TMC6: variants seen among roughly 807,000 people sequenced by gnomAD.
TMC6 encodes the protein transmembrane channel like 6.
A neutral mutation model predicts 95.4 loss-of-function variants in TMC6; 71 were observed. That is an observed-to-expected ratio of 0.74 (90% confidence interval 0.61 to 0.91). TMC6 has a LOEUF of 0.91. Among genes scored for constraint, TMC6 ranks in the 40% least tolerant of loss-of-function variants. The pLI, the probability that TMC6 is intolerant of heterozygous loss-of-function variation, is 0.00. For synonymous variants in TMC6, 514 were observed against 483.1 expected, an observed-to-expected ratio of 1.06 and a Z score of -0.84; for missense variants, 1,074 against 1,079.1, an observed-to-expected ratio of 1.00 and a Z score of 0.07.
In TMC6 at chr17:78,117,885, T is replaced by C. The variant is rs1219276942; in HGVS notation, c.1938A>G (p.Ser646=). ...CQAPRRPWLA[S]HMSTVFLTLL... ...GCGTGAGGAAGACGGTGCTCATGTG[T>C]GAGGCCAGCCAGGGCCGGCGCGGCG... The change falls in exon 16 of 20, where the codon TCA becomes TCG. Residue 646 remains serine (S), a synonymous_variant. Coordinates refer to ENST00000590602, the MANE Select transcript of TMC6 (RefSeq NM_001127198.5). The C allele has an allele frequency of 6.2e-7, 1 of 1,606,940 alleles. No individual in the cohort carries two copies. The highest frequency in any genetic ancestry group is 1.7e-5 in the Admixed American group (1 of 59,014).
intron 1 of TMC6, among the ~76,000 whole-genome samples, chr17:78,127,960 G>T (rs1015312073): frequency 6.6e-6 from 1 of 152,172 alleles, no homozygotes; most frequent in Non-Finnish European, 1.5e-5. Context: ...AGCCTAACAC[G>T]GGACAGCTGC....
chr17:78,118,082 AG>A, intron 15 of TMC6, 147 bp from the exon 16 acceptor site: 1 of 1,392,706 alleles, frequency 7.2e-7, no homozygotes, highest in Non-Finnish European at 9.6e-7. Flanking sequence ...TCATTTACAG[AG>A]GAAGACAGAA....
In TMC6 at chr17:78,107,414, A is replaced by G. The variant is rs552490653; in HGVS notation, c.*5734T>C. On this transcript the variant is annotated 3_prime_UTR_variant, in exon 20 of 20. Transcript: ENST00000590602. The stretch of plus-strand genomic sequence containing the variant: ...ATCGAAAGTTGCTTTCGAAAGTACA[A>G]CGCTTTATTGAATCTTAATAAATTG... The G allele has an allele frequency of 6.6e-6, 1 of 152,322 alleles. No individual in the cohort carries two copies. Among genetic ancestry groups the G allele is most frequent in the Admixed American group, 6.5e-5 (1 of 15,294 alleles). 9.4% of individuals were successfully genotyped at this position (152,322 alleles called of 1,614,324 possible).
At position 78,124,133 on chromosome 17, in the gene TMC6, G is replaced by A. The variant is rs201481464; in HGVS notation, c.938C>T (p.Ala313Val). Residue 313 changes from alanine (A) to valine (V), a missense_variant, in exon 9 of 20, where the codon GCC (alanine) becomes GTC (valine). Physicochemically the swap from Ala to Val is moderately conservative, Grantham distance 64. Coordinates refer to ENST00000590602, the MANE Select transcript of TMC6 (RefSeq NM_001127198.5). ...TVMYYGHYSN[A>V]TLNQPCGSPL... ...GCTGCCACACGGCTGGTTCAGCGTG[G>A]CGTTACTGTAGTGGCCGTAGTACAT... 4 of 1,612,848 alleles carry A rather than the reference G, an allele frequency of 2.5e-6. No homozygotes were observed. In the East Asian group the frequency reaches 6.7e-5, roughly 27 times the overall value.
chr17:78,127,300 C>A (rs1032575518), intron 1 of TMC6, among the ~76,000 whole-genome samples: 1 of 152,152 alleles, frequency 6.6e-6, no homozygotes, highest in African/African-American at 2.4e-5. Context: ...AGGCTGTAGG[C>A]CTTCTCTGCG....
In TMC6 at chr17:78,121,163, C is replaced by T. The variant is rs1343538609; in HGVS notation, c.1385G>A (p.Ser462Asn). Residue 462 changes from serine (S) to asparagine (N), a missense_variant and splice_region_variant, in exon 12 of 20, where the codon AGT (serine) becomes AAT (asparagine). By Grantham distance (46) the Ser-to-Asn change is conservative (BLOSUM62 1). Transcript: ENST00000590602. The surrounding 1 kb of genome is among the most constrained non-coding windows in gnomAD (Gnocchi z 5.6). ...VHVFSEFMIQ[S>N]PEAAGQEAVL... ...AGCCTCCTGGCCAGCAGCCTCTGGA[C>T]TCTGCAGGGGTGCAGGGAGCGGTGT... 16 of 1,588,308 alleles carry T rather than the reference C, an allele frequency of 1.0e-5. No individual in the cohort carries two copies. Among genetic ancestry groups the T allele is most frequent in the African/African-American group, 1.3e-5 (1 of 74,082 alleles).
intron 14 of TMC6, 100 bp from the exon 15 acceptor site, chr17:78,119,146 A>T: frequency 6.7e-7 from 1 of 1,492,764 alleles, no homozygotes; most frequent in Non-Finnish European, 9.2e-7. Context: ...CAGTGGCCAA[A>T]ACTGAGTCCC....
At chr17:78,127,252 CACA>C (rs2074764926) in intron 1 of TMC6, among the ~76,000 whole-genome samples, 1 of 152,170 alleles carries the variant, frequency 6.6e-6, no homozygotes, top group African/African-American at 2.4e-5. Context: ...AGGGTTCTGG[CACA>C]GAGACACCTC....
At position 78,117,537 on chromosome 17, in the gene TMC6, C is replaced by T. The variant is rs1567986107; in HGVS notation, c.2129G>A (p.Trp710Ter). Residue 710 changes from tryptophan to a stop codon, truncating the protein, a stop_gained, in exon 17 of 20, where the codon TGG becomes TAG. Transcript: ENST00000590602. LOFTEE classifies it high-confidence loss of function. ...HLEAAGPRVS[W>*]LPWVHRYLME... The stretch of plus-strand genomic sequence containing the variant: ...CAGGTACCGGTGCACCCAGGGCAGC[C>T]AGGAGACCCTGGGGCCTGCCGCCTC... 1 of 1,602,702 alleles carries T rather than the reference C, an allele frequency of 6.2e-7. No homozygotes were observed. The highest frequency in any genetic ancestry group is 8.5e-7 in the Non-Finnish European group (1 of 1,176,240).
rs369450669 is a variant in TMC6, at chr17:78,124,881, G to A, written c.633+8C>T. On this transcript the variant is annotated splice_region_variant and intron_variant, in intron 7 of 19. Coordinates refer to ENST00000590602, the MANE Select transcript of TMC6 (RefSeq NM_001127198.5). ...GCCCCAGCCCCAGGGCAGACCAGGG[G>A]CCCATACCAGCACGCAGGCATATCT... 9.2e-5 allele frequency: 146 copies of A among 1,594,414 alleles called. No individual in the cohort carries two copies. Among genetic ancestry groups the A allele is most frequent in the Non-Finnish European group, 1.1e-4 (128 of 1,172,156 alleles).
chr17:78,115,544 G>GC (rs1359304255), intron 18 of TMC6, among the ~76,000 whole-genome samples: 2 of 152,200 alleles, frequency 1.3e-5, no homozygotes, highest in African/African-American at 2.4e-5. Flanking sequence ...AGGCTGGGTA[G>GC]CCCGGGGGGA....
chr17:78,132,258 G>T, upstream of TMC6: 4 of 1,479,478 alleles, frequency 2.7e-6, no homozygotes, highest in Non-Finnish European at 3.7e-6. Flanking sequence ...GTGGGAGCCT[G>T]GCGGGCACCC....
In TMC6 at chr17:78,109,556, A is replaced by C. The variant is rs1329448937; in HGVS notation, c.*3592T>G. 1 of 456,516 alleles carries C rather than the reference A, an allele frequency of 2.2e-6. No homozygotes were observed. Among genetic ancestry groups the C allele is most frequent in the Non-Finnish European group, 4.4e-6 (1 of 226,960 alleles). The allele number at this position is 456,516 out of a possible 1,614,324, so 28.3% of individuals were successfully genotyped here. ...TGAGGCGGGAGGATCACCTGAGCCC[A>C]GGAGGTCGAGGCTGCAGTGAGCTGT... On this transcript the variant is annotated 3_prime_UTR_variant, in exon 20 of 20. Transcript: ENST00000590602.
chr17:78,129,116 GCC>G (rs759690776), upstream of TMC6, among the ~76,000 whole-genome samples: 110 of 115,620 alleles, frequency 9.5e-4, no homozygotes, highest in Admixed American at 1.4e-3. This position sits in a 1 kb window ranked among gnomAD's most constrained non-coding sequence, Gnocchi z 4.3. Context: ...ATTGGGCAGC[GCC>G]CCCCCCCCCG....
intron 18 of TMC6, among the ~76,000 whole-genome samples, chr17:78,115,887 C>T (rs2074077299): frequency 1.4e-5 from 2 of 138,668 alleles, no homozygotes; most frequent in Non-Finnish European, 3.1e-5. Flanking sequence ...GGAGTGGGCA[C>T]AGGGGCGAAG....
Position 78,124,133 on chromosome 17 carries a change from G to GC in TMC6, c.937dup (p.Ala313GlyfsTer188). On this transcript the variant is annotated frameshift_variant, in exon 9 of 20. Coordinates refer to ENST00000590602, the MANE Select transcript of TMC6 (RefSeq NM_001127198.5). LOFTEE classifies it high-confidence loss of function. ...GCTGCCACACGGCTGGTTCAGCGTG[G>GC]CGTTACTGTAGTGGCCGTAGTACAT... The GC allele has an allele frequency of 6.2e-7, 1 of 1,612,848 alleles. No individual in the cohort carries two copies.
chr17:78,125,027 G>T (rs377552489), intron 6 of TMC6, 42 bp from the exon 7 acceptor site: 1 of 1,550,590 alleles, frequency 6.4e-7, no homozygotes. Context: ...CCAATGAGGG[G>T]CCTGACTCTC....
chr17:78,112,684 G>C lies in TMC6; in HGVS notation c.*464C>G, dbSNP rs1055296810. ...CTCTGGTCACAATCCGTGCCTGCTC[G>C]GCTCACTTGTGCAGGTGTAAGCCCC... is the stretch of plus-strand genomic sequence containing the variant. On this transcript the variant is annotated 3_prime_UTR_variant, in exon 20 of 20. Coordinates refer to ENST00000590602, the MANE Select transcript of TMC6 (RefSeq NM_001127198.5). The C allele has an allele frequency of 9.6e-6, 2 of 208,942 alleles. No homozygotes were observed. The highest frequency in any genetic ancestry group is 1.5e-4 in the South Asian group (2 of 13,560). 12.9% of individuals were successfully genotyped at this position (208,942 alleles called of 1,614,324 possible).
intron 15 of TMC6, 50 bp downstream of exon 15, chr17:78,118,921 C>A (rs1008576418): frequency 3.9e-6 from 6 of 1,551,504 alleles, no homozygotes; most frequent in Middle Eastern, 2.0e-4. Flanking sequence ...CCTGCCCCCA[C>A]TGCCGGCCAC....
Sources: allele counts gnomAD v4.1 joint callset (sites outside exome capture counted in the v4.1 genomes callset), GRCh38; gene constraint gnomAD v4.1.1; non-coding constraint Gnocchi (gnomAD v3.1); transcripts MANE v1.5; gene names NCBI Gene and HGNC (gene_info 2026-07-23, HGNC 2026-07-21).